DCC: variants seen among roughly 807,000 people sequenced by gnomAD.
DCC encodes the protein netrin receptor DCC.
Under a neutral mutation model 172.5 loss-of-function variants are expected in DCC, and 58 were observed. The ratio of observed to expected loss-of-function variants is 0.34; its 90% CI spans 0.27 to 0.42. DCC has a LOEUF of 0.42. Ranked by LOEUF, DCC falls within the 10% of genes least tolerant of loss-of-function variation. The pLI, the probability that DCC is intolerant of heterozygous loss-of-function variation, is 1.00. For synonymous variants in DCC, 709 were observed against 644.5 expected, an observed-to-expected ratio of 1.10 and a Z score of -1.52; for missense variants, 1,740 against 1,791.0, an observed-to-expected ratio of 0.97 and a Z score of 0.51.
chr18:53,390,844 T>C (rs1908502277), intron 16 of DCC, among the ~76,000 whole-genome samples: 1 of 152,174 alleles, frequency 6.6e-6, no homozygotes, highest in Non-Finnish European at 1.5e-5. Context: ...CATCCAATAA[T>C]ATAAAATTGT....
At chr18:52,758,341 C>A (rs1266809522) in intron 2 of DCC, among the ~76,000 whole-genome samples, 1 of 152,024 alleles carries the variant, frequency 6.6e-6, no homozygotes, top group Non-Finnish European at 1.5e-5. Flanking sequence ...TCTTAAAAAT[C>A]AAGAAAATAA....
chr18:52,671,275 G>T (rs941400443), intron 1 of DCC, among the ~76,000 whole-genome samples: 1 of 151,778 alleles, frequency 6.6e-6, no homozygotes, highest in Admixed American at 6.5e-5. Context: ...AATTGAGAGA[G>T]AATAACCCTT....
intron 1 of DCC, among the ~76,000 whole-genome samples, chr18:52,595,378 A>G (rs1232425132): frequency 6.6e-6 from 1 of 152,192 alleles, no homozygotes. Flanking sequence ...TTAGGTGGGT[A>G]ACACTCTGTT....
intron 2 of DCC, among the ~76,000 whole-genome samples, chr18:52,883,463 TTG>T (rs915612720): frequency 6.6e-6 from 1 of 151,668 alleles, no homozygotes; most frequent in Non-Finnish European, 1.5e-5. Context: ...TTTTTATTTT[TTG>T]TGTTTCCACT....
chr18:53,302,424 A>T (rs1181742945), intron 12 of DCC, among the ~76,000 whole-genome samples: 1 of 152,176 alleles, frequency 6.6e-6, no homozygotes, highest in Non-Finnish European at 1.5e-5. Context: ...AGTTTTGCCT[A>T]TTCTTTAACT....
At chr18:52,814,302 TTC>T (rs1441167772) in intron 2 of DCC, among the ~76,000 whole-genome samples, 1 of 152,204 alleles carries the variant, frequency 6.6e-6, no homozygotes, top group Non-Finnish European at 1.5e-5. Flanking sequence ...ACATAGAATT[TTC>T]TGAGATACCA....
intron 2 of DCC, among the ~76,000 whole-genome samples, chr18:52,808,026 T>C (rs570174742): frequency 6.6e-6 from 1 of 152,212 alleles, no homozygotes; most frequent in Non-Finnish European, 1.5e-5. Flanking sequence ...CTGTGACCGC[T>C]AATGCTTTGT....
intron 15 of DCC, among the ~76,000 whole-genome samples, chr18:53,377,457 A>G (rs11082983): frequency 0.16 from 24,371 of 151,728 alleles, 2,431 homozygotes; most frequent in African/African-American, 0.27. Context: ...CTCATACAAT[A>G]GCAGCATTAA....
intron 1 of DCC, among the ~76,000 whole-genome samples, chr18:52,451,180 G>T (rs17754864): frequency 0.01 from 1,574 of 152,154 alleles, 57 homozygotes; most frequent in Admixed American, 0.065. Flanking sequence ...CTTCTTTCCA[G>T]TTGTCAGGAT....
chr18:53,466,560 C>T (rs1451655230), intron 24 of DCC, among the ~76,000 whole-genome samples: 1 of 152,162 alleles, frequency 6.6e-6, no homozygotes, highest in African/African-American at 2.4e-5. Flanking sequence ...GAGTCTCTCT[C>T]TGTCACCCAA....
chr18:53,443,420 C>G (rs1912400558), intron 22 of DCC, among the ~76,000 whole-genome samples: 1 of 152,138 alleles, frequency 6.6e-6, no homozygotes, highest in South Asian at 2.1e-4. Flanking sequence ...ACTGTAGAGA[C>G]CTATTGCTTA....
At chr18:53,255,790 C>T (rs746496990) in intron 12 of DCC, among the ~76,000 whole-genome samples, 6 of 152,038 alleles carry the variant, frequency 3.9e-5, no homozygotes, top group African/African-American at 1.4e-4. Flanking sequence ...ATCGCCACAC[C>T]AACTTCCAAA....
chr18:52,471,028 C>A (rs1175653520), intron 1 of DCC, among the ~76,000 whole-genome samples: 1 of 152,144 alleles, frequency 6.6e-6, no homozygotes, highest in Non-Finnish European at 1.5e-5. Context: ...GAGTTCTAGT[C>A]TAATAACTGT....
At chr18:53,434,125 A>C (rs1019425912) in intron 21 of DCC, among the ~76,000 whole-genome samples, 2 of 152,152 alleles carry the variant, frequency 1.3e-5, no homozygotes, top group Non-Finnish European at 2.9e-5. Flanking sequence ...AGTTATAGAG[A>C]TGAAGAAAAC....
At chr18:53,078,330 A>G (rs765559822) in intron 7 of DCC, among the ~76,000 whole-genome samples, 1 of 152,156 alleles carries the variant, frequency 6.6e-6, no homozygotes, top group Non-Finnish European at 1.5e-5. Flanking sequence ...TTTTACCTAG[A>G]TATTGATTTT....
At chr18:52,978,660 C>A (rs2041160676) in intron 5 of DCC, among the ~76,000 whole-genome samples, 1 of 152,104 alleles carries the variant, frequency 6.6e-6, no homozygotes. Flanking sequence ...GGACTCAATT[C>A]CAGAAGCCAT....
chr18:53,021,660 T>G (rs1385479278), intron 5 of DCC, among the ~76,000 whole-genome samples: 2 of 152,186 alleles, frequency 1.3e-5, no homozygotes, highest in Admixed American at 1.3e-4. Flanking sequence ...AGCACTGAAC[T>G]CAACTACTTA....
intron 5 of DCC, among the ~76,000 whole-genome samples, chr18:53,006,931 G>C (rs1347204478): frequency 6.6e-6 from 1 of 152,168 alleles, no homozygotes; most frequent in Non-Finnish European, 1.5e-5. Flanking sequence ...ATTCCAAAGA[G>C]ATTGCTTTAT....
chr18:52,416,832 C>T (rs1211525126), intron 1 of DCC, among the ~76,000 whole-genome samples: 2 of 152,048 alleles, frequency 1.3e-5, no homozygotes, highest in Non-Finnish European at 1.5e-5. Context: ...ATCCAATTTG[C>T]CAGTCTGTGT....
Sources: gnomAD v4.1 joint callset for allele counts (sites outside exome capture counted in the v4.1 genomes callset) on GRCh38, gnomAD v4.1.1 for gene constraint, MANE v1.5 for transcripts, NCBI Gene and HGNC (gene_info 2026-07-23, HGNC 2026-07-21) for gene names.